Variants in MYO1D observed in about 807,000 individuals in gnomAD.
MYO1D encodes unconventional myosin-Id.
Under a neutral mutation model 122.0 loss-of-function variants are expected in MYO1D, and 83 were observed. The ratio of observed to expected loss-of-function variants is 0.68; its 90% CI spans 0.57 to 0.82. The LOEUF is 0.82. MYO1D is among the 40% of genes least tolerant of loss of function. The pLI is 0.00. For synonymous variants in MYO1D, 464 were observed against 446.9 expected, an observed-to-expected ratio of 1.04 and a Z score of -0.48; for missense variants, 1,157 against 1,269.5, an observed-to-expected ratio of 0.91 and a Z score of 1.35.
chr17:32,733,907 T>C (rs889216743), intron 14 of MYO1D, among the ~76,000 whole-genome samples: 2 of 152,202 alleles, frequency 1.3e-5, no homozygotes, highest in African/African-American at 4.8e-5. Flanking sequence ...TGCCAGAAAA[T>C]GCATTATTCA....
chr17:32,846,930 T>G (rs2090942385), intron 1 of MYO1D, among the ~76,000 whole-genome samples: 1 of 152,124 alleles, frequency 6.6e-6, no homozygotes, highest in Admixed American at 6.5e-5. Flanking sequence ...GAGGCTGCAG[T>G]AAGCTATGAT....
At chr17:32,702,014 A>G (rs1181873594) in intron 16 of MYO1D, among the ~76,000 whole-genome samples, 2 of 152,250 alleles carry the variant, frequency 1.3e-5, no homozygotes, top group Non-Finnish European at 2.9e-5. Flanking sequence ...AAGGCTGTCT[A>G]ACATCATTGC....
At chr17:32,751,082 T>G (rs1284810770) in intron 11 of MYO1D, among the ~76,000 whole-genome samples, 2 of 152,110 alleles carry the variant, frequency 1.3e-5, no homozygotes, top group African/African-American at 2.4e-5. Flanking sequence ...TTTATTTTTT[T>G]TGGTAATAGC....
At chr17:32,840,567 T>C (rs1231612829) in intron 1 of MYO1D, among the ~76,000 whole-genome samples, 1 of 152,236 alleles carries the variant, frequency 6.6e-6, no homozygotes, top group African/African-American at 2.4e-5. Flanking sequence ...TTTTTGCCTT[T>C]TGGCTATAAT....
In MYO1D at chr17:32,712,079, G is replaced by A. The variant is rs371717595; in HGVS notation, c.2030C>T (p.Thr677Ile). The change falls in exon 16 of 22, where the codon ACC (threonine) becomes ATC (isoleucine). Residue 677 changes from threonine (T) to isoleucine (I), a missense_variant. Coordinates refer to ENST00000318217, the MANE Select transcript of MYO1D (RefSeq NM_015194.3). Reference sequence around the variant, plus strand: ...TCGGGGTGTTCGAATGAAAATTTTGGTCTTCCCATAAGCTACATCATCCTG... The same window carrying A: ...TCGGGGTGTTCGAATGAAAATTTTGATCTTCCCATAAGCTACATCATCCTG... ...GFQDDVAYGK[T>I]KIFIRTPRTL... The A allele has an allele frequency of 1.2e-6, 2 of 1,613,958 alleles. No individual in the cohort carries two copies. Among genetic ancestry groups the A allele is most frequent in the East Asian group, 2.2e-5 (1 of 44,888 alleles).
intron 20 of MYO1D, among the ~76,000 whole-genome samples, chr17:32,636,656 A>T (rs777093705): frequency 1.3e-5 from 2 of 152,228 alleles, no homozygotes; most frequent in Non-Finnish European, 2.9e-5. Flanking sequence ...GAGAGAAGGC[A>T]GCCACCACTG....
intron 16 of MYO1D, among the ~76,000 whole-genome samples, chr17:32,686,938 G>T (rs137905912): frequency 1.8e-4 from 27 of 150,468 alleles, no homozygotes; most frequent in African/African-American, 5.9e-4. Flanking sequence ...GCACTCCAGG[G>T]TGATAAGAGT....
At chr17:32,743,912 C>T (rs900458440) in intron 13 of MYO1D, among the ~76,000 whole-genome samples, 6 of 152,162 alleles carry the variant, frequency 3.9e-5, no homozygotes, top group African/African-American at 1.4e-4. Flanking sequence ...GCCACTGCGA[C>T]CAGCCTCAGC....
intron 21 of MYO1D, among the ~76,000 whole-genome samples, chr17:32,502,963 A>G (rs1909367370): frequency 6.6e-6 from 1 of 152,220 alleles, no homozygotes; most frequent in Non-Finnish European, 1.5e-5. Flanking sequence ...TACAGGATTT[A>G]ATGGCCAGCA....
chr17:32,683,605 G>A (rs1426917125), intron 16 of MYO1D, among the ~76,000 whole-genome samples: 2 of 151,832 alleles, frequency 1.3e-5, no homozygotes, highest in African/African-American at 4.8e-5. Context: ...CAGTCTGCCG[G>A]TTCTCAGATC....
intron 16 of MYO1D, among the ~76,000 whole-genome samples, chr17:32,679,231 T>C (rs1029680026): frequency 9.6e-4 from 144 of 150,120 alleles, no homozygotes; most frequent in Non-Finnish European, 1.8e-3. Flanking sequence ...CTGATGGTAG[T>C]TTCTTTTGCT....
intron 1 of MYO1D, among the ~76,000 whole-genome samples, chr17:32,856,679 T>C (rs2091029833): frequency 6.6e-6 from 1 of 152,220 alleles, no homozygotes. Context: ...TTTCCTGTTT[T>C]CTTCCAACCT....
chr17:32,670,524 C>T (rs998315310), intron 16 of MYO1D, among the ~76,000 whole-genome samples: 33 of 152,070 alleles, frequency 2.2e-4, no homozygotes, highest in African/African-American at 5.3e-4. Flanking sequence ...GTCCCTGGTG[C>T]GACCTTACCT....
At chr17:32,547,949 TA>T (rs10716642) in intron 21 of MYO1D, among the ~76,000 whole-genome samples, 71,111 of 145,334 alleles carry the variant, frequency 0.49, 16,990 homozygotes, top group East Asian at 0.55. Flanking sequence ...GACCGTGTCT[TA>T]AAAAAAAAAA....
At chr17:32,764,524 G>A (rs990173439) in intron 8 of MYO1D, among the ~76,000 whole-genome samples, 9 of 151,988 alleles carry the variant, frequency 5.9e-5, no homozygotes, top group African/African-American at 1.7e-4. Flanking sequence ...ATATCCCACT[G>A]TACCCATAAA....
At chr17:32,685,441 A>G (rs1029046370) in intron 16 of MYO1D, among the ~76,000 whole-genome samples, 2 of 152,232 alleles carry the variant, frequency 1.3e-5, no homozygotes, top group African/African-American at 4.8e-5. Flanking sequence ...TTGAGAGGCT[A>G]TCTAGCAGAT....
At chr17:32,813,526 A>G (rs552424409) in intron 1 of MYO1D, among the ~76,000 whole-genome samples, 2 of 152,268 alleles carry the variant, frequency 1.3e-5, no homozygotes, top group East Asian at 3.9e-4. Context: ...AGTGTGCCAC[A>G]TGGAGATCTC....
At chr17:32,583,588 A>G (rs2150902224) in intron 21 of MYO1D, among the ~76,000 whole-genome samples, 1 of 152,084 alleles carries the variant, frequency 6.6e-6, no homozygotes, top group East Asian at 1.9e-4. Context: ...TTTGTGCTTC[A>G]TTTTGGATAG....
At chr17:32,611,560 C>T (rs1168246006) in intron 20 of MYO1D, among the ~76,000 whole-genome samples, 1 of 152,184 alleles carries the variant, frequency 6.6e-6, no homozygotes, top group Non-Finnish European at 1.5e-5. Context: ...AAAACTTGGC[C>T]AAGTGTGGTG....
Sources: allele counts gnomAD v4.1 joint callset (sites outside exome capture counted in the v4.1 genomes callset), GRCh38; gene constraint gnomAD v4.1.1; transcripts MANE v1.5; gene names NCBI Gene and HGNC (gene_info 2026-07-23, HGNC 2026-07-21).